Variants in ANKRD6 observed in about 807,000 individuals in gnomAD.
ANKRD6 encodes the protein ankyrin repeat domain 6.
A neutral mutation model predicts 82.3 loss-of-function variants in ANKRD6; 56 were observed. The ratio of observed to expected loss-of-function variants is 0.68; its 90% CI spans 0.55 to 0.85. ANKRD6 has a LOEUF of 0.85. Among genes scored for constraint, ANKRD6 ranks in the 40% least tolerant of loss-of-function variants. The pLI, the probability that ANKRD6 is intolerant of heterozygous loss-of-function variation, is 0.00. For missense variants in ANKRD6, 852 were observed against 907.6 expected, an observed-to-expected ratio of 0.94 and a Z score of 0.79; for synonymous variants, 347 against 352.1, an observed-to-expected ratio of 0.99 and a Z score of 0.16.
intron 2 of ANKRD6, among the ~76,000 whole-genome samples, chr6:89,569,199 G>A (rs1467929161): frequency 1.3e-5 from 2 of 152,164 alleles, no homozygotes; most frequent in African/African-American, 4.8e-5. Flanking sequence ...ACAGGCATGA[G>A]CCACCGCGCC....
At chr6:89,581,837 G>A (rs1792605095) in intron 2 of ANKRD6, among the ~76,000 whole-genome samples, 1 of 152,236 alleles carries the variant, frequency 6.6e-6, no homozygotes, top group African/African-American at 2.4e-5. Context: ...AGGAGCCCAT[G>A]CAGGGCTGCT....
chr6:89,625,546 T>G (rs1805357936), intron 13 of ANKRD6, among the ~76,000 whole-genome samples: 1 of 152,132 alleles, frequency 6.6e-6, no homozygotes, highest in Non-Finnish European at 1.5e-5. Context: ...GACACACATG[T>G]TTTTTTAACT....
chr6:89,508,714 G>A lies in ANKRD6; in HGVS notation c.-143-58120G>A, dbSNP rs530097474. 2.0e-5 allele frequency: 3 copies of A among 152,262 alleles called. No individual in the cohort carries two copies. In the East Asian group the frequency reaches 5.8e-4, roughly 29 times the overall value. 9.4% of individuals were successfully genotyped at this position (152,262 alleles called of 1,614,324 possible). On this transcript the variant is annotated intron_variant, in intron 1 of 15. Transcript: ENST00000339746. ...ACCTATATTTTATTCACATATTTAA[G>A]TGTTAAACTGAGGTTGAAATGTTGT...
At chr6:89,486,001 A>G (rs1777323228) in intron 1 of ANKRD6, among the ~76,000 whole-genome samples, 1 of 152,234 alleles carries the variant, frequency 6.6e-6, no homozygotes, top group Non-Finnish European at 1.5e-5. Context: ...AGAAAATTCA[A>G]CTAAGAAAAA....
At chr6:89,511,948 A>T (rs1562683258) in intron 1 of ANKRD6, among the ~76,000 whole-genome samples, 1 of 151,886 alleles carries the variant, frequency 6.6e-6, no homozygotes, top group Non-Finnish European at 1.5e-5. Context: ...ACATTAAAAA[A>T]ATTTTTTTTT....
intron 1 of ANKRD6, among the ~76,000 whole-genome samples, chr6:89,490,321 C>CCTGTTGGA (rs1386270173): frequency 6.6e-6 from 1 of 152,204 alleles, no homozygotes; most frequent in Non-Finnish European, 1.5e-5. Flanking sequence ...TGGGAGAATC[C>CCTGTTGGA]AGTAAATATT....
At chr6:89,435,164 C>T (rs113909674) in intron 1 of ANKRD6, among the ~76,000 whole-genome samples, 121 of 152,304 alleles carry the variant, frequency 7.9e-4, no homozygotes, top group Non-Finnish European at 1.2e-3. Context: ...CCCAAGGCCT[C>T]CTTCTTGTAT....
At chr6:89,479,159 C>T (rs1366664743) in intron 1 of ANKRD6, among the ~76,000 whole-genome samples, 4 of 152,016 alleles carry the variant, frequency 2.6e-5, no homozygotes, top group East Asian at 1.9e-4. Context: ...CAATTTTGGG[C>T]GATAAACAGG....
chr6:89,620,525 G>A (rs372197109), intron 9 of ANKRD6, among the ~76,000 whole-genome samples: 5 of 152,120 alleles, frequency 3.3e-5, no homozygotes, highest in Admixed American at 6.6e-5. Context: ...GAAATGACTC[G>A]GGGAAGTGGT....
Position 89,631,192 on chromosome 6 carries a change from A to C in ANKRD6, c.*188A>C. On this transcript the variant is annotated 3_prime_UTR_variant, in exon 16 of 16. Transcript: ENST00000339746. ...GAAGTTATGAAGACTTCAACAATTA[A>C]ACTGAAACCAGGGGAAGCTTGCTTA... 1 of 1,063,710 alleles carries C rather than the reference A, an allele frequency of 9.4e-7. No individual in the cohort carries two copies. Among genetic ancestry groups the C allele is most frequent in the Non-Finnish European group, 1.2e-6 (1 of 804,414 alleles). 65.9% of individuals were successfully genotyped at this position (1,063,710 alleles called of 1,614,324 possible).
At chr6:89,532,525 C>T (rs541031980) in intron 1 of ANKRD6, among the ~76,000 whole-genome samples, 2 of 152,240 alleles carry the variant, frequency 1.3e-5, no homozygotes, top group South Asian at 2.1e-4. Context: ...TCCTTGATAA[C>T]GCATATCACA....
At chr6:89,488,126 A>G (rs1412733995) in intron 1 of ANKRD6, among the ~76,000 whole-genome samples, 2 of 152,082 alleles carry the variant, frequency 1.3e-5, no homozygotes, top group South Asian at 2.1e-4. Context: ...CTCTTTTTGG[A>G]TGACTGAGAG....
At chr6:89,538,665 G>C (rs1784134838) in intron 1 of ANKRD6, among the ~76,000 whole-genome samples, 1 of 152,108 alleles carries the variant, frequency 6.6e-6, no homozygotes, top group African/African-American at 2.4e-5. Flanking sequence ...TTAAGTGGAA[G>C]GTGATCATAA....
Position 89,477,770 on chromosome 6 carries a change from CA to C in ANKRD6, c.-144+44413del, listed in dbSNP as rs772097321. ...TGGGCGACAGAGCGAGACTCCGTCT[CA>C]AAAAAAAAAAAAAAAAAGAATTCTT... On this transcript the variant is annotated intron_variant, in intron 1 of 15. Coordinates refer to ENST00000339746, the MANE Select transcript of ANKRD6 (RefSeq NM_001242809.2). 9.6e-3 allele frequency among the ~76,000 whole-genome samples: 498 copies of C among 51,908 alleles called. 1 individual carries two copies. The highest frequency in any genetic ancestry group is 0.033 in the Middle Eastern group (3 of 92). The allele number at this position is 51,908 out of a possible 152,430, so 34.1% of individuals were successfully genotyped here.
At chr6:89,615,660 T>C (rs2128228192) in intron 7 of ANKRD6, among the ~76,000 whole-genome samples, 1 of 152,198 alleles carries the variant, frequency 6.6e-6, no homozygotes, top group African/African-American at 2.4e-5. Flanking sequence ...AGAAATGAAA[T>C]AAAAATTTTC....
At chr6:89,585,834 G>T (rs1244739015) in intron 2 of ANKRD6, among the ~76,000 whole-genome samples, 1 of 152,222 alleles carries the variant, frequency 6.6e-6, no homozygotes, top group Non-Finnish European at 1.5e-5. Flanking sequence ...GAACCCTGGA[G>T]GCGGAGGTTG....
intron 1 of ANKRD6, among the ~76,000 whole-genome samples, chr6:89,517,892 C>T (rs1483929309): frequency 6.6e-6 from 1 of 152,232 alleles, no homozygotes; most frequent in Admixed American, 6.5e-5. Context: ...GCCCCTGTGG[C>T]AGTTGCTTGA....
chr6:89,525,904 C>G (rs1268199870), intron 1 of ANKRD6, among the ~76,000 whole-genome samples: 6 of 152,164 alleles, frequency 3.9e-5, no homozygotes, highest in Admixed American at 6.5e-5. Context: ...TATGTAAGTC[C>G]CATTCTCTGT....
chr6:89,467,974 G>C (rs957500846), intron 1 of ANKRD6, among the ~76,000 whole-genome samples: 8 of 152,218 alleles, frequency 5.3e-5, no homozygotes, highest in African/African-American at 1.7e-4. Context: ...AAAAATTCTT[G>C]TTATACTGAA....
Sources: allele counts gnomAD v4.1 joint callset (sites outside exome capture counted in the v4.1 genomes callset), GRCh38; gene constraint gnomAD v4.1.1; transcripts MANE v1.5; gene names NCBI Gene and HGNC (gene_info 2026-07-23, HGNC 2026-07-21).